MIA2: variants seen among roughly 807,000 people sequenced by gnomAD.
MIA2 encodes the protein melanoma inhibitory activity protein 2.
Under a neutral mutation model 167.8 loss-of-function variants are expected in MIA2, and 127 were observed. The ratio of observed to expected loss-of-function variants is 0.76; its 90% CI spans 0.66 to 0.88. The LOEUF (loss-of-function observed/expected upper bound fraction) is 0.88. Among genes scored for constraint, MIA2 ranks in the 40% least tolerant of loss-of-function variants. The probability of loss-of-function intolerance (pLI) is 0.00; values close to 1 mark genes in which losing one functional copy is unlikely to be tolerated. For synonymous variants in MIA2, 552 were observed against 541.9 expected (o/e 1.02, Z -0.26); for missense variants, 1,690 against 1,624.7 (o/e 1.04, Z -0.69).
intron 23 of MIA2, among the ~76,000 whole-genome samples, chr14:39,368,397 C>G (rs1038943648): frequency 6.6e-6 from 1 of 152,166 alleles, no homozygotes; most frequent in African/African-American, 2.4e-5. Context: ...AGGAATGGCT[C>G]TATTCTGGTT....
At chr14:39,288,432 C>A in intron 9 of MIA2, among the ~76,000 whole-genome samples, 3 of 52,880 alleles carry the variant, frequency 5.7e-5, no homozygotes, top group East Asian at 9.4e-4. Context: ...ATATATTATA[C>A]ATATATATAT....
At chr14:39,288,468 T>TGTTG (rs1566748459) in intron 9 of MIA2, among the ~76,000 whole-genome samples, 1 of 44,182 alleles carries the variant, frequency 2.3e-5, no homozygotes, top group African/African-American at 1.3e-4. Flanking sequence ...TATATATATA[T>TGTTG]ATATATATTT....
intron 3 of MIA2, among the ~76,000 whole-genome samples, chr14:39,243,328 T>C (rs1364892040): frequency 6.6e-6 from 1 of 151,978 alleles, no homozygotes; most frequent in Non-Finnish European, 1.5e-5. Context: ...GTATCTGGGG[T>C]ACTGTAACTT....
intron 25 of MIA2, among the ~76,000 whole-genome samples, chr14:39,345,699 G>T (rs1229430738): frequency 2.0e-5 from 3 of 152,060 alleles, no homozygotes; most frequent in African/African-American, 4.8e-5. Context: ...ATCCAAAGTA[G>T]CAGATTATGC....
At chr14:39,332,511 G>C (rs948742126) in intron 25 of MIA2, among the ~76,000 whole-genome samples, 1 of 152,188 alleles carries the variant, frequency 6.6e-6, no homozygotes, top group Non-Finnish European at 1.5e-5. Flanking sequence ...TCCTTTGAAA[G>C]ACGAGGCATC....
At position 39,288,448 on chromosome 14, in the gene MIA2, TATATATATATATATATATA is replaced by T. The variant is rs2060139025; in HGVS notation, c.2131-2570_2131-2552del. Among the ~76,000 whole-genome samples the T allele has an allele frequency of 6.5e-3, 225 of 34,708 alleles. 23 individuals carry two copies. Among genetic ancestry groups the T allele is most frequent in the East Asian group, 8.3e-3 (9 of 1,088 alleles). 22.8% of individuals were successfully genotyped at this position (34,708 alleles called of 152,430 possible). A position where few individuals can be genotyped will look rare whatever the true frequency, so the allele number is the denominator to read the frequency against. On this transcript the variant is annotated intron_variant, in intron 9 of 28. Transcript: ENST00000640607. ...TATATTATACATATATATATATATA[TATATATATATATATATATA>T]TATATATATTTTTTTTTTTTTTTTT...
At chr14:39,295,445 T>C (rs2061295524) in intron 13 of MIA2, among the ~76,000 whole-genome samples, 1 of 152,234 alleles carries the variant, frequency 6.6e-6, no homozygotes, top group Non-Finnish European at 1.5e-5. Flanking sequence ...CGTATATTTC[T>C]TCTTCTCCTT....
intron 23 of MIA2, among the ~76,000 whole-genome samples, chr14:39,357,117 C>T (rs540143372): frequency 8.5e-5 from 13 of 152,266 alleles, no homozygotes; most frequent in Admixed American, 7.2e-4. Context: ...TGTTAACTTT[C>T]TGTCTCGTTG....
At chr14:39,280,827 T>C (rs2058803885) in intron 9 of MIA2, among the ~76,000 whole-genome samples, 1 of 152,122 alleles carries the variant, frequency 6.6e-6, no homozygotes, top group African/African-American at 2.4e-5. Context: ...CTATGATTTG[T>C]CTAGGTGTGG....
chr14:39,331,213 G>A (rs576478027), intron 25 of MIA2, among the ~76,000 whole-genome samples: 1 of 152,146 alleles, frequency 6.6e-6, no homozygotes, highest in Admixed American at 6.5e-5. Context: ...ATTATGTAAT[G>A]CCCTTCTTTG....
In MIA2 at chr14:39,313,461, G is replaced by T; in HGVS notation, c.3119+20G>T. On this transcript the variant is annotated intron_variant, in intron 19 of 28. Transcript: ENST00000640607. ...CTATAGGTATTAAATACATTTTTCT[G>T]GTTTCTTTTTTGGAATGGGAAGAGT... 1 of 1,434,906 alleles carries T rather than the reference G, an allele frequency of 7.0e-7. No homozygotes were observed. The highest frequency in any genetic ancestry group is 1.4e-5 in the South Asian group (1 of 71,934). 88.9% of individuals were successfully genotyped at this position (1,434,906 alleles called of 1,614,324 possible). A position where few individuals can be genotyped will look rare whatever the true frequency, so the allele number is the denominator to read the frequency against.
At chr14:39,355,086 C>A (rs199802651), downstream of MIA2, among the ~76,000 whole-genome samples, 14 of 121,294 alleles carry the variant, frequency 1.2e-4, no homozygotes, top group Middle Eastern at 0.012. Flanking sequence ...TTTTTTCCAT[C>A]TGTGAAGAAA....
intron 17 of MIA2, among the ~76,000 whole-genome samples, 197 bp from the exon 18 acceptor site, chr14:39,308,252 T>C (rs920429930): frequency 6.6e-6 from 1 of 152,142 alleles, no homozygotes; most frequent in African/African-American, 2.4e-5. Flanking sequence ...CACATAAATA[T>C]GTACAATTTT....
intron 13 of MIA2, among the ~76,000 whole-genome samples, chr14:39,297,274 T>C (rs1450675873): frequency 6.6e-6 from 1 of 151,898 alleles, no homozygotes; most frequent in African/African-American, 2.4e-5. Flanking sequence ...ATGTTTTTAG[T>C]AGAGATGGGG....
At chr14:39,364,718 TTTTTGTTTTG>T (rs1328775587) in intron 23 of MIA2, among the ~76,000 whole-genome samples, 2 of 145,796 alleles carry the variant, frequency 1.4e-5, no homozygotes, top group East Asian at 1.9e-4. Context: ...TAGTTTGTTT[TTTTTGTTTTG>T]TTTTTGTTTT....
At chr14:39,243,122 CAAA>C (rs112534680) in intron 3 of MIA2, among the ~76,000 whole-genome samples, 35 of 127,422 alleles carry the variant, frequency 2.7e-4, no homozygotes, top group Middle Eastern at 3.8e-3. Context: ...AACTTTGTCT[CAAA>C]AAAAAAAAAA....
intron 14 of MIA2, among the ~76,000 whole-genome samples, chr14:39,300,780 A>G (rs1327274069): frequency 6.6e-6 from 1 of 151,974 alleles, no homozygotes; most frequent in Admixed American, 6.6e-5. Flanking sequence ...ACAAACCTGC[A>G]CATTGTGCAC....
chr14:39,285,760 T>C (rs1170766950), intron 9 of MIA2, among the ~76,000 whole-genome samples: 11 of 137,672 alleles, frequency 8.0e-5, no homozygotes, highest in South Asian at 4.8e-4. Context: ...TCCTCACTTC[T>C]CAGACGGGGC....
intron 14 of MIA2, among the ~76,000 whole-genome samples, chr14:39,301,039 TACACACAC>T (rs58641218): frequency 0.014 from 2,071 of 145,204 alleles, 34 homozygotes; most frequent in East Asian, 0.044. Flanking sequence ...TACATATACA[TACACACAC>T]ACACACACAC....
Sources: gnomAD v4.1 joint callset for allele counts (sites outside exome capture counted in the v4.1 genomes callset) on GRCh38, gnomAD v4.1.1 for gene constraint, MANE v1.5 for transcripts, NCBI Gene and HGNC (gene_info 2026-07-23, HGNC 2026-07-21) for gene names.